UTRN: variants seen among roughly 807,000 people sequenced by gnomAD.
UTRN encodes utrophin.
In UTRN, 283 loss-of-function variants were observed where a neutral mutation model predicts 463.9. The ratio of observed to expected loss-of-function variants is 0.61; its 90% CI spans 0.55 to 0.67. The LOEUF (loss-of-function observed/expected upper bound fraction) is 0.67, where lower values mean the gene tolerates loss of function less well. Ranked by LOEUF, UTRN falls within the 30% of genes least tolerant of loss-of-function variation. The probability of loss-of-function intolerance (pLI) is 0.00; values close to 1 mark genes in which losing one functional copy is unlikely to be tolerated. For synonymous variants in UTRN, 1,442 were observed against 1,431.5 expected (o/e 1.01, Z -0.17); for missense variants, 3,922 against 4,084.3 (o/e 0.96, Z 1.08).
At chr6:144,695,520 T>G (rs887629599) in intron 52 of UTRN, among the ~76,000 whole-genome samples, 9 of 152,176 alleles carry the variant, frequency 5.9e-5, no homozygotes, top group Non-Finnish European at 1.2e-4. Context: ...ATTTTTTGTA[T>G]TTTTAGTAGA....
chr6:144,367,012 C>G (rs1419547418), intron 2 of UTRN, among the ~76,000 whole-genome samples: 1 of 151,820 alleles, frequency 6.6e-6, no homozygotes, highest in Non-Finnish European at 1.5e-5. Context: ...TAGATGGACT[C>G]TCGCTCTGTC....
intron 39 of UTRN, among the ~76,000 whole-genome samples, 170 bp from the exon 40 acceptor site, chr6:144,521,810 G>C (rs568878408): frequency 1.4e-3 from 212 of 151,896 alleles, no homozygotes; most frequent in Middle Eastern, 3.4e-3. Flanking sequence ...AGATTGTTAA[G>C]GTTTTCTGTT....
At position 144,510,975 on chromosome 6, in the gene UTRN, C is replaced by G. The variant is rs1339448803; in HGVS notation, c.4796C>G (p.Ala1599Gly). 6.2e-7 allele frequency: 1 copy of G among 1,603,704 alleles called. No homozygotes were observed. The highest frequency in any genetic ancestry group is 8.5e-7 in the Non-Finnish European group (1 of 1,173,650). The stretch of plus-strand genomic sequence containing the variant: ...CTGAAGGATCTGGAAAAGAGAAAAG[C>G]TGATTTAAATACCATCACAGAGAGT... The part of the protein sequence containing the change: ...NVLKDLEKRK[A>G]DLNTITESSA... The change falls in exon 35 of 75, where the codon GCT (alanine) becomes GGT (glycine). Residue 1599 changes from alanine (A) to glycine (G), a missense_variant. Ala to Gly is a moderately conservative substitution (Grantham distance 60). This residue lies in a region of UTRN where 2,349 missense variants were observed against 2,303.8 expected (regional missense o/e 1.02). Transcript: ENST00000367545.
At chr6:144,627,942 G>A (rs1480928248) in intron 51 of UTRN, among the ~76,000 whole-genome samples, 1 of 151,692 alleles carries the variant, frequency 6.6e-6, no homozygotes, top group Non-Finnish European at 1.5e-5. Context: ...TGGGATTATG[G>A]GTGTACAACA....
At chr6:144,566,704 C>T (rs1257028583) in intron 50 of UTRN, among the ~76,000 whole-genome samples, 1 of 152,134 alleles carries the variant, frequency 6.6e-6, no homozygotes. Context: ...AGAGTGGATA[C>T]ATGTGTTGTG....
At chr6:144,441,089 C>T (rs1787110604) in intron 13 of UTRN, among the ~76,000 whole-genome samples, 1 of 152,148 alleles carries the variant, frequency 6.6e-6, no homozygotes, top group Non-Finnish European at 1.5e-5. Flanking sequence ...TGGATGGGGA[C>T]ACAAGCAAAC....
intron 9 of UTRN, among the ~76,000 whole-genome samples, chr6:144,433,120 A>C (rs1477461683): frequency 1.3e-5 from 2 of 152,118 alleles, no homozygotes. Flanking sequence ...CCGATTTCTC[A>C]ATCTTTTCCC....
Position 144,659,600 on chromosome 6 carries a change from A to T in UTRN, c.7480-18806A>T, listed in dbSNP as rs1348608338. On this transcript the variant is annotated intron_variant, in intron 51 of 74. Coordinates refer to ENST00000367545, the MANE Select transcript of UTRN (RefSeq NM_007124.3). ...GCAACCCAGGCTGCTGGTGTCTGGG[A>T]GAGTGAGAACCGGTGGCCTCTTGTC... Among the ~76,000 whole-genome samples, 5 of 152,168 alleles carry T rather than the reference A, an allele frequency of 3.3e-5. No homozygotes were observed. The East Asian group carries it at 9.6e-4, about 29-fold the overall frequency.
At chr6:144,387,583 A>G (rs569775816) in intron 2 of UTRN, among the ~76,000 whole-genome samples, 1 of 152,324 alleles carries the variant, frequency 6.6e-6, no homozygotes, top group African/African-American at 2.4e-5. Context: ...ACCTCCATAA[A>G]CACAGTTATT....
At chr6:144,668,873 C>A (rs1193389983) in intron 51 of UTRN, among the ~76,000 whole-genome samples, 2 of 152,180 alleles carry the variant, frequency 1.3e-5, no homozygotes, top group African/African-American at 4.8e-5. Flanking sequence ...AGTAGAAGGA[C>A]AATAGAACTA....
At chr6:144,614,906 C>T (rs990668698) in intron 51 of UTRN, among the ~76,000 whole-genome samples, 5 of 152,104 alleles carry the variant, frequency 3.3e-5, no homozygotes, top group Non-Finnish European at 5.9e-5. Context: ...ACAAAGATAA[C>T]GTGTAGCTTT....
rs1219083736 is a variant in UTRN at position 144,747,119 on chromosome 6, T to C, written c.7940-1127T>C. Among the ~76,000 whole-genome samples the C allele has an allele frequency of 2.0e-5, 3 of 152,356 alleles. No individual in the cohort carries two copies. In the East Asian group the frequency reaches 5.8e-4, roughly 29 times the overall value. On this transcript the variant is annotated intron_variant, in intron 54 of 74. Transcript: ENST00000367545. ...GCATTTTATGGTGAAGTTCATCTTA[T>C]GATGATCATTTTCCAAGTGATTTGG...
At chr6:144,693,430 C>T (rs1783643199) in intron 52 of UTRN, among the ~76,000 whole-genome samples, 1 of 152,072 alleles carries the variant, frequency 6.6e-6, no homozygotes, top group Non-Finnish European at 1.5e-5. Context: ...CTGTGAAGAA[C>T]ATTATTGGTA....
At chr6:144,785,516 T>C (rs1302641172) in intron 61 of UTRN, among the ~76,000 whole-genome samples, 1 of 152,234 alleles carries the variant, frequency 6.6e-6, no homozygotes, top group Non-Finnish European at 1.5e-5. Flanking sequence ...ACTATATTTC[T>C]ATATCTAGGA....
chr6:144,430,605 T>C (rs1342743121), intron 9 of UTRN, among the ~76,000 whole-genome samples: 1 of 152,186 alleles, frequency 6.6e-6, no homozygotes, highest in Non-Finnish European at 1.5e-5. Flanking sequence ...CACAGTTTTG[T>C]CTGCAAAATG....
Position 144,680,748 on chromosome 6 carries a change from A to G in UTRN, c.7652+2170A>G, listed in dbSNP as rs534208000. ...TCATTCCTTAGCTGAGCCTTGAAAC[A>G]TATATAGTTATTCCCCAGATAGTCT... On this transcript the variant is annotated intron_variant, in intron 52 of 74. Transcript: ENST00000367545. Among the ~76,000 whole-genome samples the G allele has an allele frequency of 5.3e-5, 8 of 152,302 alleles. No individual in the cohort carries two copies. In the South Asian group the frequency reaches 1.2e-3, roughly 24 times the overall value.
chr6:144,474,909 A>AT, intron 25 of UTRN, 150 bp downstream of exon 25: 1 of 775,142 alleles, frequency 1.3e-6, no homozygotes, highest in Non-Finnish European at 1.9e-6. Context: ...CCAAAAAAAA[A>AT]GGCATCATTT....
At chr6:144,309,740 G>A (rs1255259831) in intron 2 of UTRN, among the ~76,000 whole-genome samples, 3 of 152,144 alleles carry the variant, frequency 2.0e-5, no homozygotes, top group Non-Finnish European at 4.4e-5. Context: ...ATCAGAAGTG[G>A]ATATGTTGCT....
At chr6:144,541,005 A>T (rs1334123263) in intron 45 of UTRN, among the ~76,000 whole-genome samples, 1 of 152,188 alleles carries the variant, frequency 6.6e-6, no homozygotes. Flanking sequence ...AACTTGTTTC[A>T]AGCCTGCCAT....
Sources: allele counts gnomAD v4.1 joint callset (sites outside exome capture counted in the v4.1 genomes callset), GRCh38; gene constraint gnomAD v4.1.1; regional missense constraint gnomAD v4.1.1; transcripts MANE v1.5; gene names NCBI Gene and HGNC (gene_info 2026-07-23, HGNC 2026-07-21).